The following DOCK10 variants were observed in gnomAD, a reference collection of about 807,000 sequenced individuals.
The protein encoded by DOCK10 is dedicator of cytokinesis protein 10.
DOCK10 carries 145 observed loss-of-function variants against 280.1 expected under a neutral mutation model. That is an observed-to-expected ratio of 0.52 (90% confidence interval 0.45 to 0.59). The LOEUF (loss-of-function observed/expected upper bound fraction) is 0.59. Ranked by LOEUF, DOCK10 falls within the 20% of genes least tolerant of loss-of-function variation. DOCK10 has a pLI of 0.00. For missense variants in DOCK10, 2,368 were observed against 2,651.7 expected, an observed-to-expected ratio of 0.89 and a Z score of 2.35; for synonymous variants, 915 against 942.2, an observed-to-expected ratio of 0.97 and a Z score of 0.53.
At chr2:224,933,488 A>G (rs1165071668) in intron 1 of DOCK10, among the ~76,000 whole-genome samples, 7 of 152,178 alleles carry the variant, frequency 4.6e-5, no homozygotes, top group African/African-American at 1.4e-4. Context: ...TATATTACCA[A>G]CTGCCCCCAC....
chr2:224,909,114 G>A (rs1039086087), intron 3 of DOCK10, among the ~76,000 whole-genome samples: 1 of 152,130 alleles, frequency 6.6e-6, no homozygotes, highest in African/African-American at 2.4e-5. Flanking sequence ...GTTTTAATTA[G>A]TATGCTGAGC....
At chr2:224,981,935 A>G (rs1705766962) in intron 1 of DOCK10, among the ~76,000 whole-genome samples, 1 of 152,228 alleles carries the variant, frequency 6.6e-6, no homozygotes, top group Non-Finnish European at 1.5e-5. Flanking sequence ...TTTCTGCACA[A>G]AAGGTAATAA....
At position 224,910,211 on chromosome 2, in the gene DOCK10, G is replaced by C. The variant is rs138792916; in HGVS notation, c.333+6484C>G. Among the ~76,000 whole-genome samples the C allele has an allele frequency of 7.2e-3, 1,089 of 152,290 alleles. 7 individuals carry two copies. The highest frequency in any genetic ancestry group is 0.031 in the Middle Eastern group (9 of 294). On this transcript the variant is annotated intron_variant, in intron 3 of 55. Transcript: ENST00000258390. ...TAGGTCAAGCAAGTGTTTCTACAAA[G>C]CTCTACAAACGTCAATGAATTCATT... is the stretch of plus-strand genomic sequence containing the variant.
At chr2:224,945,717 T>C (rs1703373525) in intron 1 of DOCK10, among the ~76,000 whole-genome samples, 1 of 152,118 alleles carries the variant, frequency 6.6e-6, no homozygotes, top group Admixed American at 6.5e-5. Flanking sequence ...GCCATCTCTG[T>C]TTCTATATTA....
chr2:224,815,113 TC>T (rs949938850), intron 30 of DOCK10, among the ~76,000 whole-genome samples: 3 of 152,114 alleles, frequency 2.0e-5, no homozygotes, highest in African/African-American at 7.2e-5. Flanking sequence ...GGGGACAGTT[TC>T]CCCCGTGCTG....
At chr2:224,972,886 A>G (rs1705177154) in intron 1 of DOCK10, among the ~76,000 whole-genome samples, 1 of 152,228 alleles carries the variant, frequency 6.6e-6, no homozygotes, top group Admixed American at 6.5e-5. Context: ...ATTAGTGGAT[A>G]ACACAGAAGA....
intron 3 of DOCK10, among the ~76,000 whole-genome samples, chr2:224,897,992 G>A (rs1575018287): frequency 6.6e-6 from 1 of 152,132 alleles, no homozygotes; most frequent in Non-Finnish European, 1.5e-5. Flanking sequence ...TTAGCATTAG[G>A]GGGAAAATGA....
intron 1 of DOCK10, among the ~76,000 whole-genome samples, chr2:224,976,646 GA>G (rs1161619468): frequency 2.0e-5 from 3 of 146,434 alleles, no homozygotes; most frequent in Non-Finnish European, 3.0e-5. Flanking sequence ...TCTTGTCGGG[GA>G]TAACAGAAAA....
intron 43 of DOCK10, among the ~76,000 whole-genome samples, chr2:224,796,748 C>A (rs1692606972): frequency 6.6e-6 from 1 of 152,098 alleles, no homozygotes; most frequent in African/African-American, 2.4e-5. Flanking sequence ...TATTTCCTGG[C>A]AGAAGAAAGG....
intron 50 of DOCK10, among the ~76,000 whole-genome samples, chr2:224,781,266 T>G (rs1396914978): frequency 6.6e-6 from 1 of 152,230 alleles, no homozygotes; most frequent in Non-Finnish European, 1.5e-5. Context: ...ATTACAATAT[T>G]TTGGCAAGTG....
intron 1 of DOCK10, among the ~76,000 whole-genome samples, chr2:224,932,921 A>T (rs543363709): frequency 6.6e-6 from 1 of 152,316 alleles, no homozygotes; most frequent in East Asian, 1.9e-4. Context: ...AAATAAAACA[A>T]ATGTGAACAT....
intron 55 of DOCK10, among the ~76,000 whole-genome samples, chr2:224,768,079 A>AT (rs1014232106): frequency 6.0e-5 from 9 of 150,484 alleles, no homozygotes; most frequent in East Asian, 2.0e-4. Flanking sequence ...ACACAGGCTA[A>AT]TTTTTTTTTG....
chr2:224,865,876 C>T (rs758829929), intron 11 of DOCK10, among the ~76,000 whole-genome samples: 27 of 151,150 alleles, frequency 1.8e-4, no homozygotes, highest in Non-Finnish European at 3.2e-4. Context: ...CACACACTCT[C>T]TCTCTCTCTC....
At position 225,042,143 on chromosome 2, in the gene DOCK10, C is replaced by T. The variant is rs1690449808; in HGVS notation, c.123+109G>A. ...GGGGGAGGGAGTGCGGAGGAGAGGACCCGTGAGCTGCGGGGACCTGGGCCC... is the reference window on the plus strand; with the variant it reads ...GGGGGAGGGAGTGCGGAGGAGAGGATCCGTGAGCTGCGGGGACCTGGGCCC... On this transcript the variant is annotated intron_variant, in intron 1 of 55. Coordinates refer to ENST00000258390, the MANE Select transcript of DOCK10 (RefSeq NM_014689.3). This position sits in a 1 kb window ranked among gnomAD's most constrained non-coding sequence, Gnocchi z 5.1. 8.6e-7 allele frequency: 1 copy of T among 1,162,128 alleles called. No homozygotes were observed. The highest frequency in any genetic ancestry group is 1.1e-6 in the Non-Finnish European group (1 of 931,100). The allele number at this position is 1,162,128 out of a possible 1,614,324, so 72.0% of individuals were successfully genotyped here.
At chr2:224,996,336 G>A (rs563081304) in intron 1 of DOCK10, among the ~76,000 whole-genome samples, 1 of 152,322 alleles carries the variant, frequency 6.6e-6, no homozygotes, top group Non-Finnish European at 1.5e-5. Context: ...AAGGGGACTT[G>A]TAGACATGAA....
rs781423015 is a variant in DOCK10, at chr2:224,806,225, C to A, written c.3715G>T (p.Asp1239Tyr). 2 of 1,597,720 alleles carry A rather than the reference C, an allele frequency of 1.3e-6. No individual in the cohort carries two copies. Among genetic ancestry groups the A allele is most frequent in the Non-Finnish European group, 1.7e-6 (2 of 1,167,126 alleles). The change falls in exon 34 of 56, where the codon GAT becomes TAT. Residue 1239 changes from aspartate (D) to tyrosine (Y), a missense_variant. Physicochemically the swap from Asp to Tyr is radical, Grantham distance 160. Around this residue, in one of 2 missense-constraint regions of DOCK10, gnomAD observed 1,159 missense variants for 1,400.8 expected, o/e 0.83. Transcript: ENST00000258390. The part of the protein sequence containing the change: ...VNTSNQGSRD[D>Y]LSTNGGFQSQ... ...TGAAATCCTCCATTGGTGCTTAGAT[C>A]ATCTCTAGACCCCTGTATTCAAAGT...
At chr2:224,873,594 C>CAAAAAA (rs35401247) in intron 11 of DOCK10, among the ~76,000 whole-genome samples, 20 of 33,596 alleles carry the variant, frequency 6.0e-4, no homozygotes, top group South Asian at 1.7e-3. Flanking sequence ...AAGACCATCT[C>CAAAAAA]AAAAAAAAAA....
rs369075349 is a variant in DOCK10 at position 224,852,971 on chromosome 2, T to C, written c.2040A>G (p.Lys680=). 2 of 1,609,358 alleles carry C rather than the reference T, an allele frequency of 1.2e-6. No individual in the cohort carries two copies. The highest frequency in any genetic ancestry group is 1.3e-5 in the African/African-American group (1 of 74,932). The change falls in exon 17 of 56, where the codon AAA becomes AAG. Residue 680 remains lysine (K), a synonymous_variant. Coordinates refer to ENST00000258390, the MANE Select transcript of DOCK10 (RefSeq NM_014689.3). The part of the protein sequence containing the change: ...VYKNQIYIYP[K]HLKYDSQKCF... Reference sequence around the variant, plus strand: ...ATTTCTGGCTATCATACTTGAGGTGTTTGGGGTAAATATAAATTTGATTTT... The same window carrying C: ...ATTTCTGGCTATCATACTTGAGGTGCTTGGGGTAAATATAAATTTGATTTT...
intron 3 of DOCK10, among the ~76,000 whole-genome samples, 196 bp from the exon 4 acceptor site, chr2:224,896,573 C>T (rs980992738): frequency 2.0e-5 from 3 of 151,960 alleles, no homozygotes; most frequent in East Asian, 1.9e-4. Context: ...AAAAATTAGC[C>T]GGGCCTGGTG....
Sources: gnomAD v4.1 joint callset for allele counts (sites outside exome capture counted in the v4.1 genomes callset) on GRCh38, gnomAD v4.1.1 for gene constraint, gnomAD v4.1.1 regional missense constraint, Gnocchi (gnomAD v3.1) non-coding constraint, MANE v1.5 for transcripts, NCBI Gene and HGNC (gene_info 2026-07-23, HGNC 2026-07-21) for gene names.